MACROD2: variants seen among roughly 807,000 people sequenced by gnomAD.
MACROD2 encodes ADP-ribose glycohydrolase MACROD2.
MACROD2 carries 36 observed loss-of-function variants against 70.4 expected under a neutral mutation model. That is an observed-to-expected ratio of 0.51 (90% CI 0.39 to 0.68). The LOEUF (loss-of-function observed/expected upper bound fraction) is 0.68. Among genes scored for constraint, MACROD2 ranks in the 30% least tolerant of loss-of-function variants. The probability of loss-of-function intolerance (pLI) is 0.00; values close to 1 mark genes in which losing one functional copy is unlikely to be tolerated. For synonymous variants in MACROD2, 172 were observed against 178.8 expected, an observed-to-expected ratio of 0.96 and a Z score of 0.30; for missense variants, 496 against 538.4, an observed-to-expected ratio of 0.92 and a Z score of 0.78.
intron 6 of MACROD2, among the ~76,000 whole-genome samples, chr20:15,389,112 A>G (rs2045758120): frequency 6.6e-6 from 1 of 152,170 alleles, no homozygotes; most frequent in African/African-American, 2.4e-5. Context: ...TTAAAAAGTT[A>G]AGGATGGGCC....
intron 8 of MACROD2, among the ~76,000 whole-genome samples, chr20:15,858,859 A>G (rs1421014128): frequency 6.6e-6 from 1 of 152,152 alleles, no homozygotes; most frequent in East Asian, 1.9e-4. Flanking sequence ...TCATAGTCAT[A>G]GGCTTCCCAG....
rs143556588 is a variant in MACROD2, at chr20:14,031,425, C to A, written c.163+29021C>A. On this transcript the variant is annotated intron_variant, in intron 2 of 17. Transcript: ENST00000684519. ...GTAAATTAATGTTAGCAACTTGAGACTCAGTAATTGTTTCTTAAAATGGAT... is the reference window on the plus strand; with the variant it reads ...GTAAATTAATGTTAGCAACTTGAGAATCAGTAATTGTTTCTTAAAATGGAT... Among the ~76,000 whole-genome samples, 68 of 152,162 alleles carry A rather than the reference C, an allele frequency of 4.5e-4. No homozygotes were observed. In the East Asian group the frequency reaches 9.3e-3, roughly 21 times the overall value.
chr20:14,862,054 T>TATATATATTTATATATATATTTATAAAA (rs1568838875), intron 5 of MACROD2, among the ~76,000 whole-genome samples: 2 of 3,056 alleles, frequency 6.5e-4, no homozygotes, highest in African/African-American at 1.1e-3. Context: ...TATATATTTA[T>TATATATATTTATATATATATTTATAAAA]ATATATATAA....
chr20:14,409,776 G>A (rs997081319), intron 3 of MACROD2, among the ~76,000 whole-genome samples: 12 of 152,120 alleles, frequency 7.9e-5, no homozygotes, highest in East Asian at 1.9e-4. Context: ...ATTGCTGCTC[G>A]GGTTGGAGAG....
intron 5 of MACROD2, among the ~76,000 whole-genome samples, chr20:14,740,873 C>G (rs920966104): frequency 6.6e-6 from 1 of 152,114 alleles, no homozygotes. Context: ...GGGCCCTTCT[C>G]CTTTGTTGGG....
At chr20:14,691,289 A>C (rs2071060841) in intron 5 of MACROD2, among the ~76,000 whole-genome samples, 1 of 152,226 alleles carries the variant, frequency 6.6e-6, no homozygotes, top group South Asian at 2.1e-4. Flanking sequence ...TAAATGAATT[A>C]CTACTTATTC....
At chr20:15,808,569 CTAT>C (rs1433900282) in intron 8 of MACROD2, among the ~76,000 whole-genome samples, 1 of 151,926 alleles carries the variant, frequency 6.6e-6, no homozygotes, top group South Asian at 2.1e-4. Flanking sequence ...AAAGTATGTT[CTAT>C]TATTTTATTA....
At chr20:14,729,007 T>G (rs1270671700) in intron 5 of MACROD2, among the ~76,000 whole-genome samples, 1 of 152,160 alleles carries the variant, frequency 6.6e-6, no homozygotes, top group Non-Finnish European at 1.5e-5. Context: ...CATCTTCCAA[T>G]TAGATAAATT....
chr20:15,713,308 G>A (rs756920308), intron 8 of MACROD2, among the ~76,000 whole-genome samples: 18 of 152,106 alleles, frequency 1.2e-4, no homozygotes, highest in Non-Finnish European at 1.8e-4. Flanking sequence ...ATAAAGCAGC[G>A]GAATCTCCTG....
At chr20:15,197,012 G>T in intron 5 of MACROD2, 1 of 985,360 alleles carries the variant, frequency 1.0e-6, no homozygotes, top group Non-Finnish European at 1.2e-6. Flanking sequence ...CAGGAAGGTC[G>T]CATAGAGCCA....
chr20:14,407,658 G>A (rs1258399963), intron 3 of MACROD2, among the ~76,000 whole-genome samples: 1 of 152,064 alleles, frequency 6.6e-6, no homozygotes, highest in African/African-American at 2.4e-5. Flanking sequence ...CACTGGAAAG[G>A]CATCAGGTGA....
chr20:14,419,529 T>G (rs2083852413), intron 3 of MACROD2, among the ~76,000 whole-genome samples: 1 of 152,166 alleles, frequency 6.6e-6, no homozygotes, highest in Admixed American at 6.5e-5. Context: ...GGGAATATAT[T>G]TCATTTACTT....
At chr20:15,311,483 C>T (rs1363873292) in intron 6 of MACROD2, among the ~76,000 whole-genome samples, 1 of 152,120 alleles carries the variant, frequency 6.6e-6, no homozygotes, top group Non-Finnish European at 1.5e-5. Flanking sequence ...CACATGCACT[C>T]GCATGTTCAT....
chr20:14,158,783 C>T (rs939071153), intron 3 of MACROD2, among the ~76,000 whole-genome samples: 3 of 152,094 alleles, frequency 2.0e-5, no homozygotes, highest in Non-Finnish European at 4.4e-5. Context: ...AGTTTTTATA[C>T]CAATACCATG....
At chr20:16,027,066 C>G (rs1482739483) in intron 15 of MACROD2, among the ~76,000 whole-genome samples, 1 of 152,156 alleles carries the variant, frequency 6.6e-6, no homozygotes, top group Non-Finnish European at 1.5e-5. Context: ...TGAAAATAAG[C>G]TGCCTAGAAA....
intron 6 of MACROD2, among the ~76,000 whole-genome samples, chr20:15,375,514 G>T (rs762378714): frequency 7.2e-5 from 11 of 152,132 alleles, no homozygotes; most frequent in Non-Finnish European, 1.3e-4. Flanking sequence ...TTCACCCATT[G>T]CAGAAGCAGA....
rs530910676 is a variant in MACROD2, at chr20:14,350,315, G to A, written c.272-143164G>A. ...TTGAGGAACCTCAAAACTGTTCTCCGTAGTGGTTGTACTAATTTATGTTCC... is the reference window on the plus strand; with the variant it reads ...TTGAGGAACCTCAAAACTGTTCTCCATAGTGGTTGTACTAATTTATGTTCC... On this transcript the variant is annotated intron_variant, in intron 3 of 17. Transcript: ENST00000684519. Among the ~76,000 whole-genome samples, 25 of 152,104 alleles carry A rather than the reference G, an allele frequency of 1.6e-4. 1 individual carries two copies. The South Asian group carries it at 3.9e-3, about 24-fold the overall frequency.
intron 3 of MACROD2, among the ~76,000 whole-genome samples, chr20:14,206,469 C>T (rs1427892515): frequency 2.0e-5 from 3 of 152,192 alleles, no homozygotes; most frequent in Non-Finnish European, 4.4e-5. Context: ...CAAGCTTGGA[C>T]CACGTGCTTC....
At chr20:15,139,030 T>C (rs1160234360) in intron 5 of MACROD2, among the ~76,000 whole-genome samples, 1 of 152,146 alleles carries the variant, frequency 6.6e-6, no homozygotes, top group East Asian at 1.9e-4. Flanking sequence ...AGCTTGACAA[T>C]GTTCTAGTGA....
Sources: allele counts gnomAD v4.1 joint callset (sites outside exome capture counted in the v4.1 genomes callset), GRCh38; gene constraint gnomAD v4.1.1; transcripts MANE v1.5; gene names NCBI Gene and HGNC (gene_info 2026-07-23, HGNC 2026-07-21).